ORC3: variants seen among roughly 807,000 people sequenced by gnomAD.
ORC3 encodes the protein origin recognition complex subunit 3.
In ORC3, 78 loss-of-function variants were observed where a neutral mutation model predicts 100.7. The observed-to-expected ratio is 0.77, with a 90% confidence interval of 0.65 to 0.94. The LOEUF (loss-of-function observed/expected upper bound fraction) is 0.94. Ranked by LOEUF, ORC3 falls within the 40% of genes least tolerant of loss-of-function variation. ORC3 has a pLI of 0.00. For missense variants in ORC3, 789 were observed against 823.9 expected, an observed-to-expected ratio of 0.96 and a Z score of 0.52; for synonymous variants, 295 against 289.3, an observed-to-expected ratio of 1.02 and a Z score of -0.20.
chr6:87,606,953 T>G (rs1210990630), intron 5 of ORC3, among the ~76,000 whole-genome samples: 1 of 152,220 alleles, frequency 6.6e-6, no homozygotes, highest in Non-Finnish European at 1.5e-5. Flanking sequence ...TAAAAGCCCT[T>G]AAAGGCATCT....
At position 87,640,747 on chromosome 6, in the gene ORC3, A is replaced by G. The variant is rs538820679; in HGVS notation, c.1382+4261A>G. ...CTAGAAATCAAATGCTAGGCCAGTA[A>G]TTTTTCATATTTTTAAAATTCACTG... On this transcript the variant is annotated intron_variant, in intron 13 of 19. Transcript: ENST00000392844. 3.9e-5 allele frequency among the ~76,000 whole-genome samples: 6 copies of G among 152,284 alleles called. No individual in the cohort carries two copies. The East Asian group carries it at 1.2e-3, about 29-fold the overall frequency.
At chr6:87,593,587 T>G (rs1470611157) in intron 1 of ORC3, among the ~76,000 whole-genome samples, 1 of 152,224 alleles carries the variant, frequency 6.6e-6, no homozygotes, top group Non-Finnish European at 1.5e-5. Context: ...GTATGTAGAG[T>G]GAAACAGCTG....
At position 87,667,443 on chromosome 6, in the gene ORC3, G is replaced by A. The variant is rs1199585373; in HGVS notation, c.*320G>A. 1 of 208,406 alleles carries A rather than the reference G, an allele frequency of 4.8e-6. No homozygotes were observed. Among genetic ancestry groups the A allele is most frequent in the Non-Finnish European group, 9.5e-6 (1 of 105,794 alleles). 12.9% of individuals were successfully genotyped at this position (208,406 alleles called of 1,614,324 possible). A position where few individuals can be genotyped will look rare whatever the true frequency, so the allele number is the denominator to read the frequency against. On this transcript the variant is annotated 3_prime_UTR_variant, in exon 20 of 20. Transcript: ENST00000392844. Reference sequence around the variant, plus strand: ...AAATGTAATAAATTCCGTTATCCAGGAGTATAAATTATTTGCAGTTGCTTT... The same window carrying A: ...AAATGTAATAAATTCCGTTATCCAGAAGTATAAATTATTTGCAGTTGCTTT...
At chr6:87,625,225 T>C (rs1294005782) in intron 11 of ORC3, among the ~76,000 whole-genome samples, 1 of 152,214 alleles carries the variant, frequency 6.6e-6, no homozygotes, top group Non-Finnish European at 1.5e-5. Context: ...ATGGGATTGC[T>C]GGGTCAAATG....
intron 11 of ORC3, among the ~76,000 whole-genome samples, chr6:87,626,848 T>TAATCA (rs746010614): frequency 1.3e-5 from 2 of 151,732 alleles, no homozygotes; most frequent in Non-Finnish European, 2.9e-5. Flanking sequence ...AGGTTAGTGA[T>TAATCA]AATCAAAGTT....
intron 9 of ORC3, among the ~76,000 whole-genome samples, chr6:87,619,104 C>T (rs1779362444): frequency 6.6e-6 from 1 of 151,918 alleles, no homozygotes; most frequent in Non-Finnish European, 1.5e-5. Context: ...AAGGGCAGCA[C>T]CTTAAGACAA....
At chr6:87,653,325 T>C in intron 14 of ORC3, 76 bp downstream of exon 14, 1 of 1,372,478 alleles carries the variant, frequency 7.3e-7, no homozygotes, top group Non-Finnish European at 1.0e-6. Context: ...AACCCCACCT[T>C]CTGATGTGCT....
At chr6:87,624,113 G>C (rs1392778118) in intron 11 of ORC3, among the ~76,000 whole-genome samples, 1 of 152,170 alleles carries the variant, frequency 6.6e-6, no homozygotes, top group Non-Finnish European at 1.5e-5. Context: ...AAAGCACAGA[G>C]ATTTGTACCC....
At chr6:87,655,472 C>T (rs898996657) in intron 14 of ORC3, among the ~76,000 whole-genome samples, 12 of 151,744 alleles carry the variant, frequency 7.9e-5, no homozygotes, top group Non-Finnish European at 1.5e-4. Context: ...CCATCTTAGC[C>T]TCCCAAGTAG....
intron 6 of ORC3, 67 bp from the exon 7 acceptor site, chr6:87,609,029 G>A: frequency 7.8e-7 from 1 of 1,274,930 alleles, no homozygotes; most frequent in South Asian, 1.7e-5. Flanking sequence ...GTCAACATGT[G>A]GCATTATAAC....
chr6:87,639,816 C>T (rs1335303834), intron 13 of ORC3, among the ~76,000 whole-genome samples: 1 of 115,870 alleles, frequency 8.6e-6, no homozygotes, highest in African/African-American at 3.6e-5. Flanking sequence ...CCCCTCTCTG[C>T]CAAAAATACA....
the ORC3 span, among the ~76,000 whole-genome samples, chr6:87,673,183 C>CA: frequency 1.9e-5 from 2 of 103,294 alleles, no homozygotes; most frequent in Admixed American, 1.4e-4. Flanking sequence ...TTTTTTGAGA[C>CA]AGAGTCTCAC....
At chr6:87,624,931 G>T (rs1779788338) in intron 11 of ORC3, among the ~76,000 whole-genome samples, 2 of 152,192 alleles carry the variant, frequency 1.3e-5, no homozygotes. Flanking sequence ...ACTTGTGAGT[G>T]AGAACATGTG....
At chr6:87,637,334 G>A (rs1327660072) in intron 13 of ORC3, among the ~76,000 whole-genome samples, 1 of 152,194 alleles carries the variant, frequency 6.6e-6, no homozygotes, top group Non-Finnish European at 1.5e-5. Context: ...ACAAATATTA[G>A]TGATCTAGCA....
intron 11 of ORC3, among the ~76,000 whole-genome samples, chr6:87,626,264 A>G (rs55892972): frequency 0.025 from 3,853 of 152,216 alleles, 80 homozygotes; most frequent in Non-Finnish European, 0.042. Context: ...TGAATCTATA[A>G]ATTACCTTGA....
intron 13 of ORC3, 59 bp from the exon 14 acceptor site, chr6:87,653,057 G>GTTTT: frequency 7.5e-7 from 1 of 1,339,182 alleles, no homozygotes; most frequent in South Asian, 1.5e-5. Context: ...TAAATAAAAT[G>GTTTT]TTTTTTAAGT....
chr6:87,676,744 C>T, the ORC3 span, among the ~76,000 whole-genome samples: 1 of 151,296 alleles, frequency 6.6e-6, no homozygotes, highest in Non-Finnish European at 1.5e-5. Context: ...CGTGCCACTG[C>T]ACTCCGGCCT....
At chr6:87,632,123 C>T (rs1451105255) in intron 11 of ORC3, among the ~76,000 whole-genome samples, 2 of 152,040 alleles carry the variant, frequency 1.3e-5, no homozygotes, top group Non-Finnish European at 2.9e-5. Flanking sequence ...GAGATCACGC[C>T]ACTGCACTCC....
At chr6:87,651,654 C>T (rs1769278488) in intron 13 of ORC3, among the ~76,000 whole-genome samples, 1 of 152,194 alleles carries the variant, frequency 6.6e-6, no homozygotes, top group African/African-American at 2.4e-5. Context: ...CTACCCTTAA[C>T]AATTGCCATA....
Sources: allele counts gnomAD v4.1 joint callset (sites outside exome capture counted in the v4.1 genomes callset), GRCh38; gene constraint gnomAD v4.1.1; transcripts MANE v1.5; gene names NCBI Gene and HGNC (gene_info 2026-07-23, HGNC 2026-07-21).